The following PRRT4 variants were observed in gnomAD, a reference collection of about 807,000 sequenced individuals.
The protein encoded by PRRT4 is proline rich transmembrane protein 4, also known as proline-rich transmembrane protein 4.
In PRRT4, 59 loss-of-function variants were observed where a neutral mutation model predicts 55.6. The observed-to-expected ratio is 1.06, with a 90% CI of 0.86 to 1.32. PRRT4 has a LOEUF of 1.32. PRRT4 is among the 40% of genes most tolerant of loss of function. The pLI is 0.00. For synonymous variants in PRRT4, 606 were observed against 601.8 expected, an observed-to-expected ratio of 1.01 and a Z score of -0.10; for missense variants, 1,217 against 1,222.0, an observed-to-expected ratio of 1.00 and a Z score of 0.06.
intron 4 of PRRT4, among the ~76,000 whole-genome samples, chr7:128,357,555 C>G (rs1200980550): frequency 6.6e-6 from 1 of 152,158 alleles, no homozygotes; most frequent in Non-Finnish European, 1.5e-5. Flanking sequence ...CCCTGCTGCA[C>G]GCTGGGCTGG....
rs1354730511 is a variant in PRRT4, at chr7:128,358,661, C to T, written c.877+20G>A. The T allele has an allele frequency of 1.3e-6, 2 of 1,550,662 alleles. No individual in the cohort carries two copies. Among genetic ancestry groups the T allele is most frequent in the Non-Finnish European group, 1.7e-6 (2 of 1,146,190 alleles). ...GTGCTCAATAAATAATTGTCAAGTT[C>T]AAATGAATTGGATACTTACCTAATG... On this transcript the variant is annotated intron_variant, in intron 4 of 4. Transcript: ENST00000535159. This position sits in a 1 kb window ranked among gnomAD's most constrained non-coding sequence, Gnocchi z 4.4.
chr7:128,352,098 G>C (rs935137649), exon 5 of PRRT4: 667 of 1,157,272 alleles, frequency 5.8e-4, no homozygotes, highest in Middle Eastern at 1.4e-3. Flanking sequence ...GGCGATGCGC[G>C]GCGCTCCCGA....
At chr7:128,352,700 C>A in intron 4 of PRRT4, 22 bp from the exon 6 acceptor site, 1 of 1,505,604 alleles carries the variant, frequency 6.6e-7, no homozygotes, top group South Asian at 1.2e-5. Context: ...GAACGTTTGG[C>A]TTGAGGCAAT....
chr7:128,359,536 A>G lies in PRRT4; in HGVS notation c.456T>C (p.Thr152=), dbSNP rs138032124. 2.6e-5 allele frequency: 38 copies of G among 1,483,166 alleles called. 1 individual carries two copies. In the African/African-American group the frequency reaches 5.4e-4, roughly 21 times the overall value. The allele number at this position is 1,483,166 out of a possible 1,614,324, so 91.9% of individuals were successfully genotyped here. A position where few individuals can be genotyped will look rare whatever the true frequency, so the allele number is the denominator to read the frequency against. Residue 152 remains threonine, a synonymous_variant, in exon 2 of 5, where the codon ACT becomes ACC. Coordinates refer to ENST00000535159, the Ensembl canonical transcript of PRRT4. ...CCATCAGAGCAGTGTCCCAGGTCAC[A>G]GTGCTCCTCCTGGGCTGATAGGGGG...
At position 128,352,695 on chromosome 7, in the gene PRRT4, T is replaced by C. The variant is rs1258819955; in HGVS notation, c.878-17A>G. 1 of 1,510,590 alleles carries C rather than the reference T, an allele frequency of 6.6e-7. No homozygotes were observed. Among genetic ancestry groups the C allele is most frequent in the Admixed American group, 2.1e-5 (1 of 47,876 alleles). The allele number at this position is 1,510,590 out of a possible 1,614,324, so 93.6% of individuals were successfully genotyped here. A position where few individuals can be genotyped will look rare whatever the true frequency, so the allele number is the denominator to read the frequency against. On this transcript the variant is annotated splice_polypyrimidine_tract_variant and intron_variant, in intron 4 of 4. Coordinates refer to ENST00000535159, the Ensembl canonical transcript of PRRT4. ...CTGTGGGGTCTGTGGGCAAAGAACGTTTGGCTTGAGGCAATGATGCAGCCC... is the reference window on the plus strand; with the variant it reads ...CTGTGGGGTCTGTGGGCAAAGAACGCTTGGCTTGAGGCAATGATGCAGCCC...
exon 5 of PRRT4, chr7:128,351,928 T>G (rs930279243): frequency 5.0e-5 from 65 of 1,299,428 alleles, no homozygotes; most frequent in Non-Finnish European, 6.3e-5. Flanking sequence ...GCTGCGCCCC[T>G]GCGGCAGGGG....
chr7:128,351,993 C>T (rs1796991167), exon 5 of PRRT4: 8 of 1,309,080 alleles, frequency 6.1e-6, no homozygotes, highest in Non-Finnish European at 7.8e-6. Flanking sequence ...GCCGCCGCCG[C>T]CCGCCCCAGC....
chr7:128,357,247 C>A (rs1427836547), intron 4 of PRRT4, among the ~76,000 whole-genome samples: 1 of 90,364 alleles, frequency 1.1e-5, no homozygotes, highest in Non-Finnish European at 2.5e-5. Context: ...CTCTCTCTCT[C>A]TCTCTCTCTC....
intron 1 of PRRT4, among the ~76,000 whole-genome samples, chr7:128,360,977 A>ACG (rs1467539391): frequency 6.0e-5 from 9 of 150,142 alleles, no homozygotes; most frequent in Admixed American, 2.0e-4. Context: ...CTGCCCCTGC[A>ACG]CGCGCGCGCG....
exon 5 of PRRT4, chr7:128,352,451 C>T (rs1797010428): frequency 2.6e-6 from 4 of 1,538,892 alleles, no homozygotes; most frequent in Non-Finnish European, 3.5e-6. Flanking sequence ...GCGCCTACCC[C>T]GTACACGTGG....
At chr7:128,352,955 G>A (rs542011766) in intron 4 of PRRT4, among the ~76,000 whole-genome samples, 1 of 151,866 alleles carries the variant, frequency 6.6e-6, no homozygotes, top group South Asian at 2.1e-4. Flanking sequence ...TGGCTTGTTT[G>A]TGATTCTATT....
At chr7:128,359,875 G>A (rs769317944) in exon 2 of PRRT4, 187 of 1,476,208 alleles carry the variant, frequency 1.3e-4, no homozygotes, top group Non-Finnish European at 1.2e-4. Context: ...TTTGAGGTAC[G>A]GGGGTCAAAG....
exon 5 of PRRT4, chr7:128,352,231 GGCA>G (rs1797001277): frequency 6.5e-7 from 1 of 1,538,110 alleles, no homozygotes. Context: ...AGCCAAGCAG[GGCA>G]GCGGAAGGTC....
chr7:128,352,056 C>G, exon 5 of PRRT4: 1 of 1,232,850 alleles, frequency 8.1e-7, no homozygotes, highest in East Asian at 3.6e-5. Flanking sequence ...AGGCGTGCAG[C>G]CCGCGCGAGG....
In PRRT4 at chr7:128,358,781, C is replaced by A; in HGVS notation, c.777G>T (p.Leu259=). The change falls in exon 4 of 5, where the codon CTG becomes CTT. Residue 259 remains leucine (L), a synonymous_variant. Coordinates refer to ENST00000535159, the Ensembl canonical transcript of PRRT4. This position sits in a 1 kb window ranked among gnomAD's most constrained non-coding sequence, Gnocchi z 4.4. ...TCTCCAGGGAGTATGGGGGCAGGGA[C>A]AGAGTGGTACCAAGGAACCCTGCAA... 1 of 1,547,542 alleles carries A rather than the reference C, an allele frequency of 6.5e-7. No individual in the cohort carries two copies. The highest frequency in any genetic ancestry group is 8.7e-7 in the Non-Finnish European group (1 of 1,145,472).
chr7:128,359,525 T>A, exon 2 of PRRT4: 2 of 1,479,340 alleles, frequency 1.4e-6, no homozygotes, highest in Non-Finnish European at 1.8e-6. Flanking sequence ...CAGAGCAGTG[T>A]CCCAGGTCAC....
downstream of PRRT4, chr7:128,350,683 C>T (rs1796936147): frequency 3.8e-6 from 4 of 1,039,520 alleles, no homozygotes; most frequent in East Asian, 1.1e-4. Flanking sequence ...GCACTGATTC[C>T]CAATCGATAG....
In PRRT4 at chr7:128,352,015, AG is replaced by A. The variant is rs2116444729; in HGVS notation, c.1540del (p.Leu514TrpfsTer57). On this transcript the variant is annotated frameshift_variant, in exon 5 of 5. Coordinates refer to ENST00000535159, the Ensembl canonical transcript of PRRT4. LOFTEE classifies it high-confidence loss of function. The stretch of plus-strand genomic sequence containing the variant: ...CCGCCCGCCCCAGCAGGAGAGCGCC[AG>A]CAGCAGCCCGGAAAGGAAAGCGGCG... The A allele has an allele frequency of 1.5e-6, 2 of 1,314,178 alleles. No individual in the cohort carries two copies. Among genetic ancestry groups the A allele is most frequent in the Non-Finnish European group, 1.9e-6 (2 of 1,027,700 alleles). The allele number at this position is 1,314,178 out of a possible 1,614,324, so 81.4% of individuals were successfully genotyped here. A position where few individuals can be genotyped will look rare whatever the true frequency, so the allele number is the denominator to read the frequency against.
At chr7:128,360,777 C>G (rs1797231292) in intron 1 of PRRT4, among the ~76,000 whole-genome samples, 1 of 152,110 alleles carries the variant, frequency 6.6e-6, no homozygotes, top group African/African-American at 2.4e-5. Context: ...GAACGCCAGG[C>G]AGGCAAGCTG....
Sources: gnomAD v4.1 joint callset for allele counts (sites outside exome capture counted in the v4.1 genomes callset) on GRCh38, gnomAD v4.1.1 for gene constraint, Gnocchi (gnomAD v3.1) non-coding constraint, MANE v1.5 for transcripts, NCBI Gene and HGNC (gene_info 2026-07-23, HGNC 2026-07-21) for gene names.